ZSWIM4: variants seen among roughly 807,000 people sequenced by gnomAD.
ZSWIM4 encodes the protein zinc finger SWIM domain-containing protein 4.
Under a neutral mutation model 102.5 loss-of-function variants are expected in ZSWIM4, and 62 were observed. The observed-to-expected ratio is 0.60, with a 90% CI of 0.49 to 0.75. The LOEUF (loss-of-function observed/expected upper bound fraction) is 0.75. Ranked by LOEUF, ZSWIM4 falls within the 30% of genes least tolerant of loss-of-function variation. The pLI, the probability that ZSWIM4 is intolerant of heterozygous loss-of-function variation, is 0.00. For synonymous variants in ZSWIM4, 652 were observed against 674.5 expected, an observed-to-expected ratio of 0.97 and a Z score of 0.52; for missense variants, 1,280 against 1,529.6, an observed-to-expected ratio of 0.84 and a Z score of 2.72.
chr19:13,808,873 C>T lies in ZSWIM4; in HGVS notation c.750C>T (p.Asp250=), dbSNP rs1451294580. The part of the protein sequence containing the change: ...PDPTAGAGIE[D]ANCWHLDEEQ... ...CCACCGCCGGCGCAGGAATCGAGGA[C>T]GCCAACTGCTGGCACCTGGACGAGG... The change falls in exon 4 of 14, where the codon GAC becomes GAT. Residue 250 remains aspartate (D), a synonymous_variant. Coordinates refer to ENST00000590508, the MANE Select transcript of ZSWIM4 (RefSeq NM_001367834.3). 1.4e-5 allele frequency: 23 copies of T among 1,611,756 alleles called. No individual in the cohort carries two copies. The highest frequency in any genetic ancestry group is 1.6e-4 in the Middle Eastern group (1 of 6,068).
intron 2 of ZSWIM4, 61 bp downstream of exon 2, chr19:13,799,982 T>G: frequency 6.5e-7 from 1 of 1,531,290 alleles, no homozygotes; most frequent in African/African-American, 1.4e-5. Flanking sequence ...GGCCTGGAAA[T>G]GGGGGAGTTG....
At position 13,825,290 on chromosome 19, in the gene ZSWIM4, G is replaced by A. The variant is rs1490946877; in HGVS notation, c.2216-260G>A. On this transcript the variant is annotated intron_variant, in intron 11 of 13. Coordinates refer to ENST00000590508, the MANE Select transcript of ZSWIM4 (RefSeq NM_001367834.3). The surrounding 1 kb of genome is among the most constrained non-coding windows in gnomAD (Gnocchi z 4.6). ...GATCCACCCACCTCAGCCTCCCAAA[G>A]TGCTGGGATTACAGGTGTGAGCCAC... 1.3e-5 allele frequency among the ~76,000 whole-genome samples: 2 copies of A among 152,116 alleles called. No individual in the cohort carries two copies. The highest frequency in any genetic ancestry group is 2.9e-5 in the Non-Finnish European group (2 of 68,004).
Position 13,805,431 on chromosome 19 carries a change from GGGCT to G in ZSWIM4, c.712+286_712+289del, listed in dbSNP as rs1238955845. Among the ~76,000 whole-genome samples, 13 of 152,094 alleles carry G rather than the reference GGGCT, an allele frequency of 8.5e-5. No homozygotes were observed. The East Asian group carries it at 2.5e-3, about 29-fold the overall frequency. On this transcript the variant is annotated intron_variant, in intron 3 of 13. Coordinates refer to ENST00000590508, the MANE Select transcript of ZSWIM4 (RefSeq NM_001367834.3). ...AGGGCAAGTGGGAGGTCTGGCCCCA[GGGCT>G]GGGTATGTCAATAGATGGAGCATCC...
intron 13 of ZSWIM4, 31 bp downstream of exon 13, chr19:13,828,757 C>T (rs1450591651): frequency 1.1e-5 from 18 of 1,601,850 alleles, no homozygotes; most frequent in East Asian, 2.2e-5. Context: ...CTGCCACCCA[C>T]TTCGCTGTTC....
chr19:13,795,917 T>A, intron 1 of ZSWIM4, 116 bp downstream of exon 1: 1 of 553,540 alleles, frequency 1.8e-6, no homozygotes, highest in Non-Finnish European at 2.3e-6. Flanking sequence ...AGACACCCCC[T>A]GAGATTCCAC....
Position 13,808,995 on chromosome 19 carries a change from G to A in ZSWIM4, c.861+11G>A, listed in dbSNP as rs1281478917. ...TCCATGTTCAGCAAGGTGCCGTGCG[G>A]GCCGGCGGGGCGCGGGGTGCAGAAG... On this transcript the variant is annotated intron_variant, in intron 4 of 13. Coordinates refer to ENST00000590508, the MANE Select transcript of ZSWIM4 (RefSeq NM_001367834.3). The A allele has an allele frequency of 3.7e-6, 6 of 1,610,058 alleles. No individual in the cohort carries two copies. The South Asian group carries it at 6.6e-5, about 18-fold the overall frequency.
At chr19:13,802,390 G>A (rs1974797276) in intron 2 of ZSWIM4, among the ~76,000 whole-genome samples, 3 of 151,022 alleles carry the variant, frequency 2.0e-5, no homozygotes, top group Non-Finnish European at 1.5e-5. Context: ...GTTCAGCCTG[G>A]CCAACATGGT....
At chr19:13,819,123 C>G (rs368982900) in intron 9 of ZSWIM4, among the ~76,000 whole-genome samples, 3 of 152,196 alleles carry the variant, frequency 2.0e-5, no homozygotes, top group Admixed American at 6.6e-5. Context: ...CTCGGCCTCC[C>G]AAAGTGCTGG....
chr19:13,828,761 G>A (rs757620562), intron 13 of ZSWIM4, 35 bp downstream of exon 13: 110 of 1,599,550 alleles, frequency 6.9e-5, no homozygotes, highest in Non-Finnish European at 9.0e-5. Flanking sequence ...CACCCACTTC[G>A]CTGTTCTGGT....
chr19:13,814,889 G>A (rs1211140173), intron 7 of ZSWIM4, 24 bp downstream of exon 7: 3 of 1,202,268 alleles, frequency 2.5e-6, no homozygotes, highest in South Asian at 2.9e-5. Context: ...GGGCACGGGG[G>A]CTCGCACCTG....
intron 12 of ZSWIM4, among the ~76,000 whole-genome samples, chr19:13,827,588 C>CAAAAAAAAAAAAAAA (rs35504300): frequency 2.8e-5 from 2 of 72,476 alleles, no homozygotes; most frequent in Non-Finnish European, 5.5e-5. Flanking sequence ...GTGAGACCCT[C>CAAAAAAAAAAAAAAA]AAAAAAAAAA....
Position 13,830,523 on chromosome 19 carries a change from C to A in ZSWIM4, c.2794C>A (p.Arg932Ser). 1 of 1,599,486 alleles carries A rather than the reference C, an allele frequency of 6.3e-7. No individual in the cohort carries two copies. Among genetic ancestry groups the A allele is most frequent in the East Asian group, 2.2e-5 (1 of 44,852 alleles). Reference protein sequence around the residue: ...LFTVARYMEHRGLPLRAYKLA... With the variant: ...LFTVARYMEHSGLPLRAYKLA... ...CACTGTGGCCCGCTATATGGAGCAC[C>A]GCGGGCTGCCGCTCCGGGCCTACAA... The change falls in exon 14 of 14, where the codon CGC becomes AGC. Residue 932 changes from arginine to serine, a missense_variant. By Grantham distance (110) the Arg-to-Ser change is moderately radical. Coordinates refer to ENST00000590508, the MANE Select transcript of ZSWIM4 (RefSeq NM_001367834.3).
At chr19:13,826,614 A>G (rs563247542) in intron 12 of ZSWIM4, among the ~76,000 whole-genome samples, 58 of 152,144 alleles carry the variant, frequency 3.8e-4, no homozygotes, top group African/African-American at 1.4e-3. Flanking sequence ...AAAATACAAA[A>G]ATTAGCCAAG....
Position 13,805,098 on chromosome 19 carries a change from G to C in ZSWIM4, c.662G>C (p.Arg221Pro). ...ACTGAGGTGCTGCCCACTGCTCAGC[G>C]CTTGGCTGATGAGATCCTCCTGCTG... Reference protein sequence around the residue: ...HHTEVLPTAQRLADEILLLGS... With the variant: ...HHTEVLPTAQPLADEILLLGS... Residue 221 changes from arginine (R) to proline (P), a missense_variant, in exon 3 of 14, where the codon CGC becomes CCC. Physicochemically the swap from Arg to Pro is moderately radical, Grantham distance 103. Coordinates refer to ENST00000590508, the MANE Select transcript of ZSWIM4 (RefSeq NM_001367834.3). The C allele has an allele frequency of 6.2e-7, 1 of 1,604,012 alleles. No individual in the cohort carries two copies. Among genetic ancestry groups the C allele is most frequent in the Non-Finnish European group, 8.5e-7 (1 of 1,179,940 alleles).
At chr19:13,830,140 C>T (rs763259320) in intron 13 of ZSWIM4, 51 bp from the exon 14 acceptor site, 6 of 1,572,122 alleles carry the variant, frequency 3.8e-6, no homozygotes, top group Non-Finnish European at 5.2e-6. Context: ...CATACATGTA[C>T]GTGTGTCTGC....
Position 13,805,698 on chromosome 19 carries a change from G to A in ZSWIM4, c.712+550G>A, listed in dbSNP as rs796945012. Among the ~76,000 whole-genome samples, 20 of 151,968 alleles carry A rather than the reference G, an allele frequency of 1.3e-4. 1 individual carries two copies. Among genetic ancestry groups the A allele is most frequent in the African/African-American group, 4.1e-4 (17 of 41,452 alleles). On this transcript the variant is annotated intron_variant, in intron 3 of 13. Transcript: ENST00000590508. ...AGAAAGTGTTCGTGATTGGCTGGGCGCAGGGGCTCACACCTGTAATCCCAG... is the reference window on the plus strand; with the variant it reads ...AGAAAGTGTTCGTGATTGGCTGGGCACAGGGGCTCACACCTGTAATCCCAG...
In ZSWIM4 at chr19:13,804,836, G is replaced by A. The variant is rs1436740206; in HGVS notation, c.400G>A (p.Glu134Lys). Residue 134 changes from glutamate to lysine, a missense_variant, in exon 3 of 14, where the codon GAG becomes AAG. Coordinates refer to ENST00000590508, the MANE Select transcript of ZSWIM4 (RefSeq NM_001367834.3). Reference sequence around the variant, plus strand: ...CATCCGCGAGCCAGGGAGTCCTGGAGAGCCCGAGCGCCTCTACCATGTCTC... The same window carrying A: ...CATCCGCGAGCCAGGGAGTCCTGGAAAGCCCGAGCGCCTCTACCATGTCTC... ...GNIREPGSPG[E>K]PERLYHVSIS... 2 of 1,607,492 alleles carry A rather than the reference G, an allele frequency of 1.2e-6. No homozygotes were observed. Among genetic ancestry groups the A allele is most frequent in the South Asian group, 1.1e-5 (1 of 90,866 alleles).
intron 7 of ZSWIM4, 93 bp downstream of exon 7, chr19:13,814,958 A>C (rs1975229716): frequency 1.3e-6 from 1 of 743,600 alleles, no homozygotes; most frequent in Non-Finnish European, 1.8e-6. Context: ...GGAGTTCAAC[A>C]TCAGCCTGGG....
intron 3 of ZSWIM4, among the ~76,000 whole-genome samples, chr19:13,806,646 G>A (rs1974927069): frequency 6.6e-6 from 1 of 150,628 alleles, no homozygotes; most frequent in Non-Finnish European, 1.5e-5. Flanking sequence ...CCTGATGACA[G>A]ACTGAGACCC....
Sources: gnomAD v4.1 joint callset for allele counts (sites outside exome capture counted in the v4.1 genomes callset) on GRCh38, gnomAD v4.1.1 for gene constraint, Gnocchi (gnomAD v3.1) non-coding constraint, MANE v1.5 for transcripts, NCBI Gene and HGNC (gene_info 2026-07-23, HGNC 2026-07-21) for gene names.